The following TAAR1 variants were observed in gnomAD, a reference collection of about 807,000 sequenced individuals.
The protein encoded by TAAR1 is trace amine associated receptor 1, also known as trace amine-associated receptor 1.
In TAAR1, 1 loss-of-function variant was observed where a neutral mutation model predicts 1.2. The observed-to-expected ratio is 0.81, with a 90% CI of 0.29 to 3.86. TAAR1 has a LOEUF of 3.86. Ranked by LOEUF, TAAR1 falls within the 30% of genes most tolerant of loss-of-function variation. The probability of loss-of-function intolerance (pLI) is 0.18; values close to 1 mark genes in which losing one functional copy is unlikely to be tolerated. For synonymous variants in TAAR1, 153 were observed against 132.2 expected, an observed-to-expected ratio of 1.16 and a Z score of -1.08; for missense variants, 445 against 405.6, an observed-to-expected ratio of 1.10 and a Z score of -0.83.
At position 132,645,063 on chromosome 6, in the gene TAAR1, GC is replaced by G; in HGVS notation, c.940del (p.Ala314HisfsTer2). ...YAFFYPWFRK[A>X]LKMMLFGKIF... ...TTTACCAAACAGCATCATCTTCAGT[GC>G]TTTTCTAAACCAAGGATAGAAAAAT... On this transcript the variant is annotated frameshift_variant, in exon 2 of 2. Transcript: ENST00000275216. LOFTEE classifies it high-confidence loss of function. 1 of 1,607,866 alleles carries G rather than the reference GC, an allele frequency of 6.2e-7. No individual in the cohort carries two copies. Among genetic ancestry groups the G allele is most frequent in the Non-Finnish European group, 8.5e-7 (1 of 1,178,304 alleles).
chr6:132,644,767 A>T lies in TAAR1; in HGVS notation c.*217T>A, dbSNP rs1777639867. Among the ~76,000 whole-genome samples the T allele has an allele frequency of 6.6e-6, 1 of 152,200 alleles. No individual in the cohort carries two copies. Among genetic ancestry groups the T allele is most frequent in the Non-Finnish European group, 1.5e-5 (1 of 67,966 alleles). On this transcript the variant is annotated 3_prime_UTR_variant, in exon 2 of 2. Coordinates refer to ENST00000275216, the MANE Select transcript of TAAR1 (RefSeq NM_138327.4). ...GTAGGCCTTTAAATACTGGATTTGC[A>T]AAGTTCCATTATGTGTGGTAAGAAT...
chr6:132,657,516 A>T (rs1777817411), intron 1 of TAAR1, among the ~76,000 whole-genome samples: 1 of 152,034 alleles, frequency 6.6e-6, no homozygotes, highest in Non-Finnish European at 1.5e-5. Flanking sequence ...AAACATTTAC[A>T]GGTTATTTAA....
At chr6:132,648,537 G>T (rs971227329) in intron 1 of TAAR1, among the ~76,000 whole-genome samples, 1 of 152,170 alleles carries the variant, frequency 6.6e-6, no homozygotes. Flanking sequence ...GCACATACTG[G>T]TTTAAGAGAC....
rs932493885 is a variant in TAAR1 at position 132,643,479 on chromosome 6, T to C, written c.*1505A>G. Among the ~76,000 whole-genome samples, 2 of 151,976 alleles carry C rather than the reference T, an allele frequency of 1.3e-5. No homozygotes were observed. Among genetic ancestry groups the C allele is most frequent in the African/African-American group, 4.8e-5 (2 of 41,418 alleles). On this transcript the variant is annotated 3_prime_UTR_variant, in exon 2 of 2. Coordinates refer to ENST00000275216, the MANE Select transcript of TAAR1 (RefSeq NM_138327.4). ...ACTAAATTAAAAACATAAAACATAA[T>C]GTTTTTAAAAGTACTAGAGCAAAAA...
rs537488214 is a variant in TAAR1 at position 132,643,495 on chromosome 6, A to G, written c.*1489T>C. Among the ~76,000 whole-genome samples, 160 of 152,154 alleles carry G rather than the reference A, an allele frequency of 1.1e-3. No individual in the cohort carries two copies. Among genetic ancestry groups the G allele is most frequent in the African/African-American group, 3.7e-3 (155 of 41,556 alleles). On this transcript the variant is annotated 3_prime_UTR_variant, in exon 2 of 2. Transcript: ENST00000275216. ...AAAACATAATGTTTTTAAAAGTACT[A>G]GAGCAAAAATTGATACAGATCATTG...
At chr6:132,658,497 T>C (rs1777834029) in intron 1 of TAAR1, among the ~76,000 whole-genome samples, 1 of 152,160 alleles carries the variant, frequency 6.6e-6, no homozygotes, top group African/African-American at 2.4e-5. Context: ...AGTTAATTGA[T>C]CTAATATATG....
At position 132,645,234 on chromosome 6, in the gene TAAR1, A is replaced by G. The variant is rs1239568887; in HGVS notation, c.770T>C (p.Met257Thr). ...RKAVKTLGIV[M>T]GVFLICWCPF... ...GCACCAGCATATTAGGAAAACTCCC[A>G]TCACAATCCCCAATGTCTTCACAGC... Residue 257 changes from methionine (M) to threonine (T), a missense_variant, in exon 2 of 2, where the codon ATG becomes ACG. Transcript: ENST00000275216. 4.3e-6 allele frequency: 7 copies of G among 1,613,628 alleles called. No individual in the cohort carries two copies. The Admixed American group carries it at 5.0e-5, about 12-fold the overall frequency.
rs972601663 is a variant in TAAR1 at position 132,644,177 on chromosome 6, C to T, written c.*807G>A. Among the ~76,000 whole-genome samples the T allele has an allele frequency of 2.0e-5, 3 of 151,910 alleles. No individual in the cohort carries two copies. The highest frequency in any genetic ancestry group is 1.9e-4 in the East Asian group (1 of 5,186). On this transcript the variant is annotated 3_prime_UTR_variant, in exon 2 of 2. Transcript: ENST00000275216. ...ATATATTTGTACATCTGTGCAGTCA[C>T]GTTATACAGCCACAAAAAGGGATTA...
chr6:132,654,888 A>G (rs1214891596), intron 1 of TAAR1, among the ~76,000 whole-genome samples: 1 of 152,232 alleles, frequency 6.6e-6, no homozygotes, highest in Non-Finnish European at 1.5e-5. Context: ...TAGTTGATGA[A>G]AAGATACATT....
intron 1 of TAAR1, among the ~76,000 whole-genome samples, chr6:132,648,315 A>G (rs758689531): frequency 9.9e-5 from 15 of 152,184 alleles, no homozygotes; most frequent in Non-Finnish European, 2.1e-4. Context: ...ACTCTTAAAA[A>G]CATTTCTTCC....
intron 1 of TAAR1, among the ~76,000 whole-genome samples, chr6:132,652,156 G>A (rs1258913475): frequency 1.3e-5 from 2 of 150,866 alleles, no homozygotes; most frequent in African/African-American, 2.4e-5. Context: ...ACTGGTACAA[G>A]CTAGGTGATT....
chr6:132,658,949 C>G (rs991612331), intron 1 of TAAR1, among the ~76,000 whole-genome samples, 181 bp downstream of exon 1: 2 of 152,172 alleles, frequency 1.3e-5, no homozygotes, highest in African/African-American at 4.8e-5. Flanking sequence ...TACTAAGCAA[C>G]TAAATTACAG....
intron 1 of TAAR1, among the ~76,000 whole-genome samples, chr6:132,646,361 T>G (rs553540304): frequency 6.6e-6 from 1 of 152,254 alleles, no homozygotes; most frequent in East Asian, 1.9e-4. Context: ...CTGCCACATT[T>G]GTAGGTCAGA....
chr6:132,645,436 A>G lies in TAAR1; in HGVS notation c.568T>C (p.Ser190Pro), dbSNP rs1777654157. 1 of 1,613,668 alleles carries G rather than the reference A, an allele frequency of 6.2e-7. No homozygotes were observed. The highest frequency in any genetic ancestry group is 8.5e-7 in the Non-Finnish European group (1 of 1,179,822). ...GAAGTCATAAAGGTCAGTACCCCAG[A>G]TATTTTGCTAAAGAAGACAGAGCAA... ...GGCSVFFSKI[S>P]GVLTFMTSFY... The change falls in exon 2 of 2, where the codon TCT becomes CCT. Residue 190 changes from serine to proline, a missense_variant. Ser to Pro is a moderately conservative substitution (Grantham distance 74). Coordinates refer to ENST00000275216, the MANE Select transcript of TAAR1 (RefSeq NM_138327.4).
chr6:132,644,909 G>A lies in TAAR1; in HGVS notation c.*75C>T. 1 of 1,220,802 alleles carries A rather than the reference G, an allele frequency of 8.2e-7. No homozygotes were observed. The highest frequency in any genetic ancestry group is 1.1e-6 in the Non-Finnish European group (1 of 897,660). 75.6% of individuals were successfully genotyped at this position (1,220,802 alleles called of 1,614,324 possible). On this transcript the variant is annotated 3_prime_UTR_variant, in exon 2 of 2. Coordinates refer to ENST00000275216, the MANE Select transcript of TAAR1 (RefSeq NM_138327.4). ...ATTTAAAAAAAAATCCATGTGGTTG[G>A]TGCATGTGGTTCGTTATGTTGTGTT...
intron 1 of TAAR1, among the ~76,000 whole-genome samples, chr6:132,649,645 G>T (rs1250549349): frequency 6.6e-6 from 1 of 152,136 alleles, no homozygotes; most frequent in Non-Finnish European, 1.5e-5. Context: ...TCACATGGTG[G>T]CAGCAAGGAG....
intron 1 of TAAR1, among the ~76,000 whole-genome samples, chr6:132,657,228 G>A (rs758700730): frequency 2.9e-4 from 44 of 152,210 alleles, no homozygotes; most frequent in South Asian, 1.7e-3. Flanking sequence ...GGAAAGATGC[G>A]TAGTTATAAT....
chr6:132,646,014 TGTCA>T lies in TAAR1; in HGVS notation c.-15_-12del. The stretch of plus-strand genomic sequence containing the variant: ...GCAAAAGGGCATCATTCCTGAGGGC[TGTCA>T]ATCAGTTTACTTTTCCCTTTGTGTG... On this transcript the variant is annotated 5_prime_UTR_variant, in exon 2 of 2. Coordinates refer to ENST00000275216, the MANE Select transcript of TAAR1 (RefSeq NM_138327.4). The T allele has an allele frequency of 2.6e-6, 4 of 1,566,046 alleles. No individual in the cohort carries two copies. The highest frequency in any genetic ancestry group is 3.5e-6 in the Non-Finnish European group (4 of 1,154,324).
chr6:132,648,033 GA>G (rs1777706722), intron 1 of TAAR1, among the ~76,000 whole-genome samples: 1 of 152,102 alleles, frequency 6.6e-6, no homozygotes, highest in Admixed American at 6.6e-5. Flanking sequence ...CTCATTCCAT[GA>G]TAGAAGCTAA....
Sources: allele counts gnomAD v4.1 joint callset (sites outside exome capture counted in the v4.1 genomes callset), GRCh38; gene constraint gnomAD v4.1.1; transcripts MANE v1.5; gene names NCBI Gene and HGNC (gene_info 2026-07-23, HGNC 2026-07-21).